Variants in DOCK5 observed in about 807,000 individuals in gnomAD.
DOCK5 encodes dedicator of cytokinesis protein 5.
Under a neutral mutation model 251.8 loss-of-function variants are expected in DOCK5, and 142 were observed. The ratio of observed to expected loss-of-function variants is 0.56; its 90% CI spans 0.49 to 0.65. The LOEUF is 0.65. DOCK5 is among the 30% of genes least tolerant of loss of function. The pLI, the probability that DOCK5 is intolerant of heterozygous loss-of-function variation, is 0.00. For synonymous variants in DOCK5, 842 were observed against 835.5 expected, an observed-to-expected ratio of 1.01 and a Z score of -0.13; for missense variants, 2,111 against 2,312.3, an observed-to-expected ratio of 0.91 and a Z score of 1.79.
intron 1 of DOCK5, among the ~76,000 whole-genome samples, chr8:25,207,002 G>A (rs1014592189): frequency 3.3e-5 from 5 of 152,154 alleles, no homozygotes; most frequent in African/African-American, 1.2e-4. Context: ...CCAAGTCCAG[G>A]TCTAAAACAT....
chr8:25,276,243 A>G (rs1460698156), intron 4 of DOCK5, among the ~76,000 whole-genome samples: 1 of 152,204 alleles, frequency 6.6e-6, no homozygotes, highest in Non-Finnish European at 1.5e-5. Context: ...ACAGCATATT[A>G]GGGGAAACAA....
chr8:25,328,953 C>T (rs1422739504), intron 18 of DOCK5, among the ~76,000 whole-genome samples: 2 of 152,158 alleles, frequency 1.3e-5, no homozygotes, highest in African/African-American at 2.4e-5. Context: ...TTCTTAAGCT[C>T]CTAAGTCGTG....
At chr8:25,322,479 T>G (rs1260076144) in intron 16 of DOCK5, among the ~76,000 whole-genome samples, 1 of 152,178 alleles carries the variant, frequency 6.6e-6, no homozygotes, top group Admixed American at 6.5e-5. Flanking sequence ...GGAGCAATAA[T>G]AGTATCAGGT....
At position 25,229,459 on chromosome 8, in the gene DOCK5, C is replaced by T. The variant is rs537604504; in HGVS notation, c.44-14215C>T. ...TCTTGCTACTGCACTCCAGCCTGGG[C>T]GACAAAGCTAGACTCTGTATCAAAA... On this transcript the variant is annotated intron_variant, in intron 1 of 51. Transcript: ENST00000276440. Among the ~76,000 whole-genome samples the T allele has an allele frequency of 6.6e-5, 10 of 150,534 alleles. No homozygotes were observed. The East Asian group carries it at 7.8e-4, about 12-fold the overall frequency.
chr8:25,403,773 T>A (rs1381261736), intron 48 of DOCK5, 49 bp downstream of exon 48: 11 of 1,589,952 alleles, frequency 6.9e-6, no homozygotes, highest in Admixed American at 1.7e-5. Context: ...AACGCCTTAC[T>A]AATGTTTGCC....
In DOCK5 at chr8:25,382,710, G is replaced by T. The variant is rs761582558; in HGVS notation, c.4063G>T (p.Ala1355Ser). 3 of 1,613,242 alleles carry T rather than the reference G, an allele frequency of 1.9e-6. No homozygotes were observed. The highest frequency in any genetic ancestry group is 1.7e-6 in the Non-Finnish European group (2 of 1,179,672). The change falls in exon 40 of 52, where the codon GCA becomes TCA. Residue 1355 changes from alanine (A) to serine (S), a missense_variant. Physicochemically the swap from Ala to Ser is moderately conservative, Grantham distance 99. Coordinates refer to ENST00000276440, the MANE Select transcript of DOCK5 (RefSeq NM_024940.8). ...CTCATTTTATGAGAACATCATTAAG[G>T]CAATGAGGCCTCAGCCTGAATACTT... ...RASFYENIIK[A>S]MRPQPEYFAV...
chr8:25,411,413 GGAT>G lies in DOCK5; in HGVS notation c.*120_*122del. ...CCTGCTGACTGCATTTCCTGATCTG[GGAT>G]GATGTTTACCAGCCCAAAACCAGTC... On this transcript the variant is annotated 3_prime_UTR_variant, in exon 52 of 52. Transcript: ENST00000276440. The G allele has an allele frequency of 7.7e-7, 1 of 1,298,218 alleles. No individual in the cohort carries two copies. The highest frequency in any genetic ancestry group is 9.9e-7 in the Non-Finnish European group (1 of 1,012,882). The allele number at this position is 1,298,218 out of a possible 1,614,324, so 80.4% of individuals were successfully genotyped here.
intron 13 of DOCK5, among the ~76,000 whole-genome samples, chr8:25,314,819 A>G (rs992324294): frequency 9.0e-5 from 13 of 143,890 alleles, no homozygotes; most frequent in Non-Finnish European, 1.5e-4. Flanking sequence ...CACCCTTGAT[A>G]TCTCCTTTTC....
chr8:25,329,139 C>T lies in DOCK5; in HGVS notation c.1904-3112C>T, dbSNP rs556766956. ...AAAGTATGTGTTCTTAAATTCTCTC[C>T]TTTAGGGTAGAAGGCAGTTACTACC... On this transcript the variant is annotated intron_variant, in intron 18 of 51. Coordinates refer to ENST00000276440, the MANE Select transcript of DOCK5 (RefSeq NM_024940.8). Among the ~76,000 whole-genome samples, 9 of 152,244 alleles carry T rather than the reference C, an allele frequency of 5.9e-5. No homozygotes were observed. In the South Asian group the frequency reaches 1.2e-3, roughly 21 times the overall value.
chr8:25,359,482 G>A (rs1800638240), intron 28 of DOCK5, among the ~76,000 whole-genome samples: 1 of 152,200 alleles, frequency 6.6e-6, no homozygotes, highest in Non-Finnish European at 1.5e-5. Flanking sequence ...GGTAATCCCT[G>A]CCCTTTACAA....
At chr8:25,336,457 G>C in intron 22 of DOCK5, 84 bp downstream of exon 22, 1 of 1,491,586 alleles carries the variant, frequency 6.7e-7, no homozygotes, top group Non-Finnish European at 9.2e-7. Flanking sequence ...GTGGTGTTCA[G>C]CTCTGTGAGC....
chr8:25,345,977 G>A (rs1800358907), intron 26 of DOCK5, among the ~76,000 whole-genome samples: 1 of 152,122 alleles, frequency 6.6e-6, no homozygotes, highest in African/African-American at 2.4e-5. Flanking sequence ...AGCCTCCCGA[G>A]TAGCTGGGAC....
In DOCK5 at chr8:25,198,497, G is replaced by A. The variant is rs140999707; in HGVS notation, c.43+13546G>A. Among the ~76,000 whole-genome samples the A allele has an allele frequency of 8.9e-3, 1,354 of 152,134 alleles. 15 individuals are homozygous for A. The highest frequency in any genetic ancestry group is 0.031 in the African/African-American group (1,292 of 41,516). ...TGAAGCACAAAAATCACTTGAACCC[G>A]GGAGGCAGACGTTGCAGTAAGCTGA... On this transcript the variant is annotated intron_variant, in intron 1 of 51. Coordinates refer to ENST00000276440, the MANE Select transcript of DOCK5 (RefSeq NM_024940.8).
intron 1 of DOCK5, among the ~76,000 whole-genome samples, chr8:25,192,768 T>C (rs976716339): frequency 2.0e-5 from 3 of 152,238 alleles, no homozygotes; most frequent in African/African-American, 7.2e-5. Flanking sequence ...TGTCTTGGCC[T>C]CCCAAAGTAT....
chr8:25,191,973 TG>T (rs550790329), intron 1 of DOCK5, among the ~76,000 whole-genome samples: 362 of 135,198 alleles, frequency 2.7e-3, no homozygotes, highest in African/African-American at 9.6e-3. Context: ...TGTGTCCAAG[TG>T]TTCTCATTGT....
intron 1 of DOCK5, among the ~76,000 whole-genome samples, chr8:25,193,960 G>C (rs1005902623): frequency 6.6e-6 from 1 of 151,992 alleles, no homozygotes; most frequent in East Asian, 1.9e-4. Context: ...TATGGAGTCT[G>C]TCAACAATGA....
At chr8:25,351,593 T>C in intron 26 of DOCK5, 138 bp from the exon 27 acceptor site, 1 of 622,262 alleles carries the variant, frequency 1.6e-6, no homozygotes. Flanking sequence ...TGAGACCATT[T>C]TCCACTTTTG....
At chr8:25,351,562 A>G in intron 26 of DOCK5, 169 bp from the exon 27 acceptor site, 3 of 575,258 alleles carry the variant, frequency 5.2e-6, no homozygotes, top group Non-Finnish European at 9.3e-6. Flanking sequence ...TATTTTCTTC[A>G]TAAAGTTATA....
At chr8:25,367,045 A>T in intron 31 of DOCK5, 75 bp downstream of exon 31, 1 of 1,319,086 alleles carries the variant, frequency 7.6e-7, no homozygotes, top group East Asian at 2.4e-5. Flanking sequence ...TATTTTAGGT[A>T]TCACAGAAAT....
Sources: gnomAD v4.1 joint callset for allele counts (sites outside exome capture counted in the v4.1 genomes callset) on GRCh38, gnomAD v4.1.1 for gene constraint, MANE v1.5 for transcripts, NCBI Gene and HGNC (gene_info 2026-07-23, HGNC 2026-07-21) for gene names.